Variants in EXOC4 observed in about 807,000 individuals in gnomAD.
EXOC4 encodes the protein SEC8-like 1.
In EXOC4, 71 loss-of-function variants were observed where a neutral mutation model predicts 107.2. The ratio of observed to expected loss-of-function variants is 0.66; its 90% CI spans 0.55 to 0.81. The LOEUF (loss-of-function observed/expected upper bound fraction) is 0.81. Ranked by LOEUF, EXOC4 falls within the 30% of genes least tolerant of loss-of-function variation. The probability of loss-of-function intolerance (pLI) is 0.00; values close to 1 mark genes in which losing one functional copy is unlikely to be tolerated. For synonymous variants in EXOC4, 456 were observed against 441.2 expected (o/e 1.03, Z -0.42); for missense variants, 1,108 against 1,189.6 (o/e 0.93, Z 1.01).
chr7:133,575,153 G>A (rs1801101987), intron 9 of EXOC4, among the ~76,000 whole-genome samples: 1 of 152,100 alleles, frequency 6.6e-6, no homozygotes, highest in Admixed American at 6.5e-5. Flanking sequence ...TCTTAGCTTA[G>A]AGTTACCCCT....
Position 133,798,066 on chromosome 7 carries a change from A to C in EXOC4, c.1515-19259A>C, listed in dbSNP as rs540357303. ...TTGTGTAACTGTCTGGAGGAAGAGC[A>C]GCCCAGGCAGAGGGACCAGGACTTT... is the stretch of plus-strand genomic sequence containing the variant. On this transcript the variant is annotated intron_variant, in intron 10 of 17. Transcript: ENST00000253861. 2.0e-5 allele frequency among the ~76,000 whole-genome samples: 3 copies of C among 152,278 alleles called. No homozygotes were observed. In the South Asian group the frequency reaches 6.2e-4, roughly 32 times the overall value.
intron 14 of EXOC4, among the ~76,000 whole-genome samples, chr7:133,966,006 A>G (rs535700890): frequency 6.6e-5 from 10 of 152,294 alleles, no homozygotes; most frequent in Admixed American, 3.3e-4. Context: ...TTCCTTGAGC[A>G]GTGGTTTGTA....
downstream of EXOC4, among the ~76,000 whole-genome samples, chr7:134,069,166 C>T (rs941556754): frequency 6.6e-6 from 1 of 152,142 alleles, no homozygotes; most frequent in Non-Finnish European, 1.5e-5. Flanking sequence ...ATCCACTGTG[C>T]CCCACTAGCT....
At chr7:133,704,232 G>A (rs1331134601) in intron 10 of EXOC4, among the ~76,000 whole-genome samples, 1 of 152,176 alleles carries the variant, frequency 6.6e-6, no homozygotes, top group African/African-American at 2.4e-5. Context: ...TTACAGGTGT[G>A]AGCCACCATG....
At chr7:133,324,344 A>G (rs898313815) in intron 5 of EXOC4, among the ~76,000 whole-genome samples, 137 of 152,262 alleles carry the variant, frequency 9.0e-4, no homozygotes, top group African/African-American at 3.2e-3. Flanking sequence ...TCTTGTGGGC[A>G]TTTAGTGCTA....
intron 9 of EXOC4, among the ~76,000 whole-genome samples, chr7:133,621,195 T>C (rs1330886695): frequency 6.6e-6 from 1 of 152,242 alleles, no homozygotes; most frequent in East Asian, 1.9e-4. Flanking sequence ...TTTTTGTTTC[T>C]TCCCTTGTTA....
chr7:133,380,219 C>T (rs990486523), intron 7 of EXOC4, among the ~76,000 whole-genome samples: 54 of 145,180 alleles, frequency 3.7e-4, no homozygotes, highest in African/African-American at 1.3e-3. Flanking sequence ...GCACATGTAC[C>T]CTAGAACTTA....
chr7:133,348,991 C>G lies in EXOC4; in HGVS notation c.764-7339C>G, dbSNP rs147444572. ...AATCTGGTCATTATACCTCTTTCTA[C>G]TCATGGATTTCAGGGATCTAATGAG... On this transcript the variant is annotated intron_variant, in intron 5 of 17. Coordinates refer to ENST00000253861, the MANE Select transcript of EXOC4 (RefSeq NM_021807.4). 6.4e-3 allele frequency among the ~76,000 whole-genome samples: 971 copies of G among 152,180 alleles called. 10 individuals carry two copies. Among genetic ancestry groups the G allele is most frequent in the African/African-American group, 0.022 (924 of 41,518 alleles).
chr7:133,879,225 G>A (rs112345386), intron 11 of EXOC4, among the ~76,000 whole-genome samples: 1 of 152,012 alleles, frequency 6.6e-6, no homozygotes, highest in African/African-American at 2.4e-5. Context: ...CTCCAGAGTA[G>A]CAGGGGTTAC....
At chr7:133,788,171 G>T (rs1382296893) in intron 10 of EXOC4, among the ~76,000 whole-genome samples, 1 of 149,924 alleles carries the variant, frequency 6.7e-6, no homozygotes, top group Non-Finnish European at 1.5e-5. Context: ...GTATCTCAGG[G>T]CTCAGTTTTA....
intron 3 of EXOC4, among the ~76,000 whole-genome samples, chr7:133,303,913 C>T (rs1411626971): frequency 6.6e-6 from 1 of 152,210 alleles, no homozygotes; most frequent in Non-Finnish European, 1.5e-5. Context: ...AAAATAATTT[C>T]AGTGAGCACT....
In EXOC4 at chr7:133,390,121, G is replaced by C. The variant is rs565652129; in HGVS notation, c.1182+15119G>C. On this transcript the variant is annotated intron_variant, in intron 7 of 17. Transcript: ENST00000253861. Reference sequence around the variant, plus strand: ...CTAGATTGATCATGGGGGACCAGGGGAGAGGTAAGGGCAGGAAATAGAAAT... The same window carrying C: ...CTAGATTGATCATGGGGGACCAGGGCAGAGGTAAGGGCAGGAAATAGAAAT... Among the ~76,000 whole-genome samples the C allele has an allele frequency of 2.0e-5, 3 of 152,272 alleles. No individual in the cohort carries two copies. The South Asian group carries it at 6.2e-4, about 32-fold the overall frequency.
At chr7:133,267,862 C>T (rs1793770450) in intron 1 of EXOC4, among the ~76,000 whole-genome samples, 1 of 152,168 alleles carries the variant, frequency 6.6e-6, no homozygotes, top group Non-Finnish European at 1.5e-5. Flanking sequence ...TCCTGCATCG[C>T]ACTGCTGCTC....
At chr7:133,580,494 C>T (rs981746993) in intron 9 of EXOC4, among the ~76,000 whole-genome samples, 6 of 152,164 alleles carry the variant, frequency 3.9e-5, no homozygotes, top group South Asian at 2.1e-4. Context: ...TCTACAACCT[C>T]GCCAACGCTC....
chr7:133,558,537 G>T (rs915625718), intron 9 of EXOC4, among the ~76,000 whole-genome samples: 7 of 152,084 alleles, frequency 4.6e-5, no homozygotes, highest in Non-Finnish European at 8.8e-5. Context: ...AATGAGAAAC[G>T]TGTTTAATCT....
intron 10 of EXOC4, among the ~76,000 whole-genome samples, chr7:133,796,883 A>G (rs955783515): frequency 2.0e-5 from 3 of 152,192 alleles, no homozygotes; most frequent in African/African-American, 7.2e-5. Flanking sequence ...AGGGTAATGA[A>G]AGACGCTGCC....
intron 7 of EXOC4, among the ~76,000 whole-genome samples, chr7:133,399,327 T>C (rs1380782066): frequency 6.6e-6 from 1 of 152,212 alleles, no homozygotes; most frequent in Admixed American, 6.5e-5. Flanking sequence ...TTTATTCATA[T>C]AGGAATGTGC....
Position 133,580,826 on chromosome 7 carries a change from C to T in EXOC4, c.1418-49219C>T, listed in dbSNP as rs75649369. On this transcript the variant is annotated intron_variant, in intron 9 of 17. Coordinates refer to ENST00000253861, the MANE Select transcript of EXOC4 (RefSeq NM_021807.4). ...AATGCTACTGAATGTGGATTCGTGT[C>T]AGACACTGTACTATCCATATGTTTT... Among the ~76,000 whole-genome samples, 3 of 152,310 alleles carry T rather than the reference C, an allele frequency of 2.0e-5. No homozygotes were observed. The East Asian group carries it at 5.8e-4, about 29-fold the overall frequency.
At chr7:133,941,812 G>A (rs1425857344) in intron 14 of EXOC4, among the ~76,000 whole-genome samples, 1 of 70,078 alleles carries the variant, frequency 1.4e-5, no homozygotes, top group Non-Finnish European at 3.7e-5. Flanking sequence ...TCCCAGGCAT[G>A]CTTACAGATT....
Sources: allele counts gnomAD v4.1 joint callset (sites outside exome capture counted in the v4.1 genomes callset), GRCh38; gene constraint gnomAD v4.1.1; transcripts MANE v1.5; gene names NCBI Gene and HGNC (gene_info 2026-07-23, HGNC 2026-07-21).